Variants in CNGA3 observed in about 807,000 individuals in gnomAD.
The protein encoded by CNGA3 is cyclic nucleotide gated channel subunit alpha 3.
Under a neutral mutation model 46.6 loss-of-function variants are expected in CNGA3, and 42 were observed. The ratio of observed to expected loss-of-function variants is 0.90; its 90% CI spans 0.70 to 1.17. The LOEUF is 1.17. Ranked by LOEUF, CNGA3 falls within the 50% of genes most tolerant of loss-of-function variation. CNGA3 has a pLI of 0.00. For missense variants in CNGA3, 893 were observed against 890.7 expected (o/e 1.00, Z -0.03); for synonymous variants, 394 against 369.4 (o/e 1.07, Z -0.76).
Position 98,396,509 on chromosome 2 carries a change from A to C in CNGA3, c.1339A>C (p.Asn447His), listed in dbSNP as rs1387591722. ...CCGGTGGTTTGACTACCTGTGGGCC[A>C]ACAAGAAGACGGTGGATGAGAAGGA... is the stretch of plus-strand genomic sequence containing the variant. ...VIRWFDYLWA[N>H]KKTVDEKEVL... Residue 447 changes from asparagine to histidine, a missense_variant, in exon 8 of 8, where the codon AAC (asparagine) becomes CAC (histidine). Physicochemically the swap from Asn to His is moderately conservative, Grantham distance 68. Transcript: ENST00000272602. 1 of 1,613,948 alleles carries C rather than the reference A, an allele frequency of 6.2e-7. No individual in the cohort carries two copies. The highest frequency in any genetic ancestry group is 8.5e-7 in the Non-Finnish European group (1 of 1,180,032).
At chr2:98,377,968 G>A (rs1692447077) in intron 3 of CNGA3, 168 bp downstream of exon 3, 1 of 1,418,136 alleles carries the variant, frequency 7.1e-7, no homozygotes, top group South Asian at 1.4e-5. Flanking sequence ...TTTCCTCTTG[G>A]GTCAGATGTT....
At chr2:98,360,990 T>C (rs954735897) in intron 1 of CNGA3, among the ~76,000 whole-genome samples, 1 of 151,184 alleles carries the variant, frequency 6.6e-6, no homozygotes, top group African/African-American at 2.4e-5. Context: ...ATGTGTGTTA[T>C]TTTTATTTTT....
chr2:98,348,558 C>T (rs958016933), intron 1 of CNGA3, among the ~76,000 whole-genome samples: 8 of 152,164 alleles, frequency 5.3e-5, no homozygotes, highest in Non-Finnish European at 1.2e-4. Flanking sequence ...TCCGTCCCGC[C>T]CTCCCCTTCC....
Position 98,396,494 on chromosome 2 carries a change from G to T in CNGA3, c.1324G>T (p.Asp442Tyr), listed in dbSNP as rs1166718009. The change falls in exon 8 of 8, where the codon GAC becomes TAC. Residue 442 changes from aspartate to tyrosine, a missense_variant. By Grantham distance (160) the Asp-to-Tyr change is radical. This residue lies in a region of CNGA3 where 548 missense variants were observed against 570.8 expected (regional missense o/e 0.96). Coordinates refer to ENST00000272602, the MANE Select transcript of CNGA3 (RefSeq NM_001298.3). Reference protein sequence around the residue: ...DLETRVIRWFDYLWANKKTVD... With the variant: ...DLETRVIRWFYYLWANKKTVD... ...GGAGACGCGGGTTATCCGGTGGTTT[G>T]ACTACCTGTGGGCCAACAAGAAGAC... 1 of 1,614,018 alleles carries T rather than the reference G, an allele frequency of 6.2e-7. No homozygotes were observed. The highest frequency in any genetic ancestry group is 1.7e-5 in the Admixed American group (1 of 60,018).
intron 1 of CNGA3, among the ~76,000 whole-genome samples, chr2:98,347,426 C>G (rs976527550): frequency 6.6e-6 from 1 of 152,158 alleles, no homozygotes; most frequent in Non-Finnish European, 1.5e-5. Context: ...GGCCTTGGCG[C>G]GCAGGCCCTC....
intron 1 of CNGA3, among the ~76,000 whole-genome samples, chr2:98,356,786 G>A (rs1378219541): frequency 6.6e-6 from 1 of 152,146 alleles, no homozygotes; most frequent in East Asian, 1.9e-4. Context: ...TCATGAATGG[G>A]GAGCAAGGTT....
chr2:98,396,630 A>G lies in CNGA3; in HGVS notation c.1460A>G (p.Glu487Gly). 1.2e-6 allele frequency: 2 copies of G among 1,614,104 alleles called. No individual in the cohort carries two copies. Among genetic ancestry groups the G allele is most frequent in the Non-Finnish European group, 1.7e-6 (2 of 1,179,990 alleles). ...LKKVRIFQDC[E>G]AGLLVELVLK... ...AAGGTTCGCATCTTCCAGGACTGTG[A>G]GGCAGGGCTGCTGGTGGAGCTGGTG... is the stretch of plus-strand genomic sequence containing the variant. Residue 487 changes from glutamate (E) to glycine (G), a missense_variant, in exon 8 of 8, where the codon GAG (glutamate) becomes GGG (glycine). Physicochemically the swap from Glu to Gly is moderately conservative, Grantham distance 98 (BLOSUM62 -2). Around this residue, in one of 3 missense-constraint regions of CNGA3, gnomAD observed 548 missense variants for 570.8 expected, o/e 0.96. Coordinates refer to ENST00000272602, the MANE Select transcript of CNGA3 (RefSeq NM_001298.3).
At chr2:98,375,412 C>G (rs1363186799) in intron 2 of CNGA3, among the ~76,000 whole-genome samples, 5 of 152,224 alleles carry the variant, frequency 3.3e-5, no homozygotes, top group Non-Finnish European at 7.3e-5. Flanking sequence ...CAGCTGTCAG[C>G]TGCCATCACC....
At chr2:98,390,840 AG>A (rs997486617) in intron 6 of CNGA3, among the ~76,000 whole-genome samples, 2 of 152,188 alleles carry the variant, frequency 1.3e-5, no homozygotes, top group African/African-American at 4.8e-5. Context: ...GGGAGGGCTT[AG>A]GGGACTTCCC....
At chr2:98,373,230 A>G (rs1692327942) in intron 2 of CNGA3, among the ~76,000 whole-genome samples, 2 of 152,188 alleles carry the variant, frequency 1.3e-5, no homozygotes, top group South Asian at 4.1e-4. Flanking sequence ...ATTTGAACAA[A>G]GGACTCAGGC....
intron 1 of CNGA3, among the ~76,000 whole-genome samples, chr2:98,364,507 T>A (rs893031962): frequency 6.6e-6 from 1 of 152,246 alleles, no homozygotes; most frequent in Non-Finnish European, 1.5e-5. Flanking sequence ...CCCATTTGTG[T>A]CTTTGCACCT....
At chr2:98,394,017 G>A (rs1002429293) in intron 7 of CNGA3, among the ~76,000 whole-genome samples, 3 of 150,464 alleles carry the variant, frequency 2.0e-5, no homozygotes, top group African/African-American at 4.9e-5. Flanking sequence ...GTCTAGCCTC[G>A]GTGGCCTGGA....
chr2:98,386,600 A>G (rs181444338), intron 5 of CNGA3, among the ~76,000 whole-genome samples: 2 of 152,368 alleles, frequency 1.3e-5, no homozygotes, highest in East Asian at 3.9e-4. Context: ...ACCCTCGGGT[A>G]TGCCTTTATT....
At chr2:98,353,029 C>T (rs1262259429) in intron 1 of CNGA3, among the ~76,000 whole-genome samples, 1 of 152,150 alleles carries the variant, frequency 6.6e-6, no homozygotes, top group African/African-American at 2.4e-5. Context: ...ACAAGCCTCA[C>T]CTATAACATA....
chr2:98,380,115 G>C (rs1692502121), intron 3 of CNGA3, 60 bp from the exon 4 acceptor site: 1 of 1,584,980 alleles, frequency 6.3e-7, no homozygotes, highest in South Asian at 1.1e-5. Context: ...AAAGACTGGG[G>C]TTTGGGGGTG....
chr2:98,378,064 A>T, intron 3 of CNGA3: 1 of 1,550,640 alleles, frequency 6.4e-7, no homozygotes, highest in Admixed American at 2.0e-5. Flanking sequence ...TCAGGTTTGG[A>T]AGAATTCAGA....
intron 1 of CNGA3, among the ~76,000 whole-genome samples, chr2:98,363,916 T>C (rs1692089203): frequency 6.6e-6 from 1 of 152,224 alleles, no homozygotes; most frequent in South Asian, 2.1e-4. Context: ...GCTGTTATTG[T>C]GTGGGAGTCT....
chr2:98,380,000 C>A, intron 3 of CNGA3, 175 bp from the exon 4 acceptor site: 1 of 722,662 alleles, frequency 1.4e-6, no homozygotes, highest in Admixed American at 2.2e-5. Flanking sequence ...GGCAGAGATG[C>A]AAACTTAGAC....
At chr2:98,388,791 C>A (rs1692717694) in intron 5 of CNGA3, among the ~76,000 whole-genome samples, 1 of 152,212 alleles carries the variant, frequency 6.6e-6, no homozygotes, top group Non-Finnish European at 1.5e-5. Flanking sequence ...GTGATGAGAG[C>A]TGTAGGGAAC....
Sources: gnomAD v4.1 joint callset for allele counts (sites outside exome capture counted in the v4.1 genomes callset) on GRCh38, gnomAD v4.1.1 for gene constraint, gnomAD v4.1.1 regional missense constraint, MANE v1.5 for transcripts, NCBI Gene and HGNC (gene_info 2026-07-23, HGNC 2026-07-21) for gene names.